The following CCSER1 variants were observed in gnomAD, a reference collection of about 807,000 sequenced individuals.
The protein encoded by CCSER1 is coiled-coil serine rich protein 1, also known as serine-rich coiled-coil domain-containing protein 1.
CCSER1 carries 41 observed loss-of-function variants against 82.0 expected under a neutral mutation model. The observed-to-expected ratio is 0.50, with a 90% CI of 0.39 to 0.65. The LOEUF is 0.65. CCSER1 is among the 30% of genes least tolerant of loss of function. The probability of loss-of-function intolerance (pLI) is 0.00; values close to 1 mark genes in which losing one functional copy is unlikely to be tolerated. For synonymous variants in CCSER1, 414 were observed against 383.9 expected (o/e 1.08, Z -0.92); for missense variants, 1,119 against 1,064.2 (o/e 1.05, Z -0.72).
chr4:91,395,421 C>T (rs540040604), intron 10 of CCSER1, among the ~76,000 whole-genome samples: 2 of 152,112 alleles, frequency 1.3e-5, no homozygotes, highest in Admixed American at 6.6e-5. Flanking sequence ...TAACTACTTT[C>T]CAAATGCGGC....
Position 91,604,508 on chromosome 4 carries a change from A to T in CCSER1, c.*5451A>T, listed in dbSNP as rs1764902943. 1 of 152,084 alleles carries T rather than the reference A, an allele frequency of 6.6e-6. No homozygotes were observed. The highest frequency in any genetic ancestry group is 2.4e-5 in the African/African-American group (1 of 41,454). The allele number at this position is 152,084 out of a possible 1,614,324, so 9.4% of individuals were successfully genotyped here. On this transcript the variant is annotated 3_prime_UTR_variant, in exon 11 of 11. Coordinates refer to ENST00000509176, the MANE Select transcript of CCSER1 (RefSeq NM_001145065.2). The stretch of plus-strand genomic sequence containing the variant: ...TCTTCTCTTGAAAGCAATTAGAAAA[A>T]ATGCTAAGAAATGATTTTATATTTT...
At chr4:90,164,253 T>A (rs1322685017) in intron 1 of CCSER1, among the ~76,000 whole-genome samples, 3 of 137,952 alleles carry the variant, frequency 2.2e-5, no homozygotes, top group Admixed American at 2.1e-4. Context: ...TCCTACATTC[T>A]TAAGGTTTTT....
chr4:91,167,913 C>T (rs549753237), intron 10 of CCSER1, among the ~76,000 whole-genome samples: 1 of 143,490 alleles, frequency 7.0e-6, no homozygotes, highest in Non-Finnish European at 1.5e-5. Context: ...CGGCCGCCAC[C>T]CCGTCTGGGA....
intron 1 of CCSER1, among the ~76,000 whole-genome samples, chr4:90,202,503 G>A (rs572214648): frequency 9.2e-5 from 14 of 152,226 alleles, no homozygotes; most frequent in Non-Finnish European, 1.5e-4. Context: ...GTGACCCGCC[G>A]TAAATAAACT....
intron 7 of CCSER1, among the ~76,000 whole-genome samples, chr4:90,815,102 C>T (rs913404230): frequency 1.2e-4 from 19 of 152,132 alleles, no homozygotes; most frequent in African/African-American, 3.6e-4. Context: ...GGGGAAGCCT[C>T]AGGAAACTTA....
At chr4:91,219,848 G>C (rs190967746) in intron 10 of CCSER1, among the ~76,000 whole-genome samples, 1 of 151,976 alleles carries the variant, frequency 6.6e-6, no homozygotes, top group Non-Finnish European at 1.5e-5. Flanking sequence ...TGATTGTTAG[G>C]ATTAGTATCT....
At chr4:90,987,900 G>A (rs1406698441) in intron 9 of CCSER1, among the ~76,000 whole-genome samples, 1 of 151,674 alleles carries the variant, frequency 6.6e-6, no homozygotes, top group African/African-American at 2.4e-5. Context: ...ATCCCCTAAT[G>A]TTTGAAATAT....
chr4:91,199,076 A>G (rs1328548301), intron 10 of CCSER1, among the ~76,000 whole-genome samples: 2 of 152,136 alleles, frequency 1.3e-5, no homozygotes, highest in Non-Finnish European at 2.9e-5. Context: ...AATTCACTCT[A>G]ATTAGATCCA....
At chr4:91,187,025 C>G (rs1291023574) in intron 10 of CCSER1, among the ~76,000 whole-genome samples, 1 of 152,226 alleles carries the variant, frequency 6.6e-6, no homozygotes, top group Non-Finnish European at 1.5e-5. Context: ...CTGCTCCCAA[C>G]AGGAGTGTCC....
chr4:90,993,589 T>C (rs1211435583), intron 9 of CCSER1, among the ~76,000 whole-genome samples: 1 of 152,016 alleles, frequency 6.6e-6, no homozygotes, highest in Non-Finnish European at 1.5e-5. Context: ...ACAACAAACA[T>C]TTAATTCTCA....
At chr4:90,301,337 T>A (rs1053830823) in intron 1 of CCSER1, among the ~76,000 whole-genome samples, 1 of 152,148 alleles carries the variant, frequency 6.6e-6, no homozygotes, top group African/African-American at 2.4e-5. Context: ...TTCAGGGTAA[T>A]GATTGTGTTT....
At chr4:90,213,180 G>A (rs886794916) in intron 1 of CCSER1, among the ~76,000 whole-genome samples, 6 of 152,324 alleles carry the variant, frequency 3.9e-5, no homozygotes, top group Admixed American at 2.0e-4. Context: ...AGCTGACAGG[G>A]TGGTAGCAGT....
At chr4:90,872,526 T>C (rs922011123) in intron 8 of CCSER1, among the ~76,000 whole-genome samples, 4 of 151,872 alleles carry the variant, frequency 2.6e-5, no homozygotes, top group Non-Finnish European at 5.9e-5. Context: ...ATTCCATCAG[T>C]TTTCTTACTT....
intron 6 of CCSER1, chr4:90,642,485 T>G (rs901609289): frequency 1.3e-4 from 20 of 152,186 alleles, no homozygotes; most frequent in African/African-American, 4.1e-4. Context: ...ATGGACTTTA[T>G]TTTAGTTTAG....
intron 3 of CCSER1, among the ~76,000 whole-genome samples, chr4:90,394,626 G>A (rs946725990): frequency 2.0e-5 from 3 of 151,910 alleles, no homozygotes; most frequent in African/African-American, 7.3e-5. Flanking sequence ...CATTTTTGAT[G>A]GCCTTTATAT....
At chr4:90,905,326 A>G (rs563600817) in intron 8 of CCSER1, among the ~76,000 whole-genome samples, 1 of 151,302 alleles carries the variant, frequency 6.6e-6, no homozygotes, top group African/African-American at 2.4e-5. Flanking sequence ...AATTGTGCCA[A>G]TATTCTCCTT....
chr4:91,444,371 AATC>A (rs1378983246), intron 10 of CCSER1, among the ~76,000 whole-genome samples: 2 of 152,216 alleles, frequency 1.3e-5, no homozygotes, highest in Non-Finnish European at 2.9e-5. Flanking sequence ...CTAATGATGT[AATC>A]ATCAATAATA....
At chr4:91,336,716 T>C (rs1747351827) in intron 10 of CCSER1, among the ~76,000 whole-genome samples, 1 of 152,120 alleles carries the variant, frequency 6.6e-6, no homozygotes. Flanking sequence ...TTTATTCTAA[T>C]AGACTTAAGA....
chr4:90,862,875 G>T (rs1765262421), intron 8 of CCSER1, among the ~76,000 whole-genome samples: 1 of 148,700 alleles, frequency 6.7e-6, no homozygotes, highest in Admixed American at 6.7e-5. Flanking sequence ...CCGTATTACA[G>T]AAGCACACTA....
Sources: allele counts gnomAD v4.1 joint callset (sites outside exome capture counted in the v4.1 genomes callset), GRCh38; gene constraint gnomAD v4.1.1; transcripts MANE v1.5; gene names NCBI Gene and HGNC (gene_info 2026-07-23, HGNC 2026-07-21).